The following GFPT2 variants were observed in gnomAD, a reference collection of about 807,000 sequenced individuals.
GFPT2 encodes glutamine--fructose-6-phosphate transaminase 2, also known as glutamine--fructose-6-phosphate aminotransferase [isomerizing] 2.
GFPT2 carries 62 observed loss-of-function variants against 85.6 expected under a neutral mutation model. The observed-to-expected ratio is 0.72, with a 90% CI of 0.59 to 0.90. The LOEUF (loss-of-function observed/expected upper bound fraction) is 0.90. Ranked by LOEUF, GFPT2 falls within the 40% of genes least tolerant of loss-of-function variation. GFPT2 has a pLI of 0.00. For synonymous variants in GFPT2, 368 were observed against 344.5 expected, an observed-to-expected ratio of 1.07 and a Z score of -0.75; for missense variants, 788 against 893.4, an observed-to-expected ratio of 0.88 and a Z score of 1.50.
Position 180,353,308 on chromosome 5 carries a change from G to T in GFPT2, c.-91C>A. 1 of 980,498 alleles carries T rather than the reference G, an allele frequency of 1.0e-6. No individual in the cohort carries two copies. The highest frequency in any genetic ancestry group is 1.3e-6 in the Non-Finnish European group (1 of 757,742). 60.7% of individuals were successfully genotyped at this position (980,498 alleles called of 1,614,324 possible). A position where few individuals can be genotyped will look rare whatever the true frequency, so the allele number is the denominator to read the frequency against. ...CCGTGGGCTCCTCCGTGGGCTCCGTGGGCTCCGTGGGCTCCGCGGGCTCCA... is the reference window on the plus strand; with the variant it reads ...CCGTGGGCTCCTCCGTGGGCTCCGTTGGCTCCGTGGGCTCCGCGGGCTCCA... On this transcript the variant is annotated 5_prime_UTR_variant, in exon 1 of 19. Transcript: ENST00000253778.
chr5:180,346,494 C>A (rs529612606), intron 1 of GFPT2, among the ~76,000 whole-genome samples: 2 of 152,308 alleles, frequency 1.3e-5, no homozygotes, highest in African/African-American at 4.8e-5. Flanking sequence ...TCGGTGACCA[C>A]GGCAAGGCAG....
Position 180,347,331 on chromosome 5 carries a change from C to T in GFPT2, c.7+5880G>A, listed in dbSNP as rs148465955. On this transcript the variant is annotated intron_variant, in intron 1 of 18. Coordinates refer to ENST00000253778, the MANE Select transcript of GFPT2 (RefSeq NM_005110.4). ...AGCCCAGGTGGCTTGGAGAAAGGCC[C>T]GGCCTGGGGGCAGAGGCTGCCCTGG... Among the ~76,000 whole-genome samples, 5 of 152,346 alleles carry T rather than the reference C, an allele frequency of 3.3e-5. No homozygotes were observed. The South Asian group carries it at 6.2e-4, about 19-fold the overall frequency.
rs374426680 is a variant in GFPT2 at position 180,302,523 on chromosome 5, G to A, written c.1904C>T (p.Thr635Ile). The A allele has an allele frequency of 5.6e-6, 9 of 1,613,774 alleles. No homozygotes were observed. The African/African-American group carries it at 1.2e-4, about 22-fold the overall frequency. ...DTESSKFAYK[T>I]IELPHTVDCL... ...GTCCACAGTGTGGGGCAGCTCAATTGTCTTATACGCAAACTTGGAACTTTC... is the reference window on the plus strand; with the variant it reads ...GTCCACAGTGTGGGGCAGCTCAATTATCTTATACGCAAACTTGGAACTTTC... The change falls in exon 18 of 19, where the codon ACA becomes ATA. Residue 635 changes from threonine (T) to isoleucine (I), a missense_variant. Coordinates refer to ENST00000253778, the MANE Select transcript of GFPT2 (RefSeq NM_005110.4).
intron 14 of GFPT2, among the ~76,000 whole-genome samples, chr5:180,313,326 T>C (rs1215602470): frequency 4.0e-5 from 6 of 151,550 alleles, no homozygotes; most frequent in Non-Finnish European, 7.4e-5. Flanking sequence ...GCACGGGGGC[T>C]CACGCCTGTA....
chr5:180,310,623 A>G (rs1211380109), intron 15 of GFPT2, among the ~76,000 whole-genome samples: 1 of 145,236 alleles, frequency 6.9e-6, no homozygotes, highest in Non-Finnish European at 1.5e-5. Context: ...GTTGACCAGG[A>G]TGGTCTCGAA....
chr5:180,322,637 T>TTG (rs1485150704), intron 9 of GFPT2, among the ~76,000 whole-genome samples: 11 of 152,374 alleles, frequency 7.2e-5, no homozygotes, highest in African/African-American at 2.6e-4. Flanking sequence ...CTGCTAGTAC[T>TTG]ATCAGTTCTA....
In GFPT2 at chr5:180,349,135, A is replaced by G. The variant is rs535395564; in HGVS notation, c.7+4076T>C. Among the ~76,000 whole-genome samples the G allele has an allele frequency of 4.6e-5, 7 of 151,390 alleles. No homozygotes were observed. The East Asian group carries it at 1.4e-3, about 29-fold the overall frequency. On this transcript the variant is annotated intron_variant, in intron 1 of 18. Coordinates refer to ENST00000253778, the MANE Select transcript of GFPT2 (RefSeq NM_005110.4). ...GAAGTGATATATATTTAATTAAAAG[A>G]AAAAAAAATCTTAAGAAAAGAAGGG...
intron 15 of GFPT2, among the ~76,000 whole-genome samples, chr5:180,308,978 T>C (rs1763827885): frequency 6.6e-6 from 1 of 152,038 alleles, no homozygotes; most frequent in African/African-American, 2.4e-5. Context: ...CAAGTGATTC[T>C]CCTGCCTCAG....
Position 180,301,535 on chromosome 5 carries a change from G to T in GFPT2, c.*29C>A, listed in dbSNP as rs754459383. The stretch of plus-strand genomic sequence containing the variant: ...GGACAGGTCTGGAATCAGATGAAAG[G>T]TGGTGATGGTCTTGTCACGGTCTCA... On this transcript the variant is annotated 3_prime_UTR_variant, in exon 19 of 19. Coordinates refer to ENST00000253778, the MANE Select transcript of GFPT2 (RefSeq NM_005110.4). 1.9e-6 allele frequency: 3 copies of T among 1,585,082 alleles called. No homozygotes were observed.
Position 180,318,806 on chromosome 5 carries a change from C to G in GFPT2, c.945G>C (p.Gln315His). The change falls in exon 10 of 19, where the codon CAG becomes CAC. Residue 315 changes from glutamine to histidine, a missense_variant. Physicochemically the swap from Gln to His is conservative, Grantham distance 24. Coordinates refer to ENST00000253778, the MANE Select transcript of GFPT2 (RefSeq NM_005110.4). The surrounding 1 kb of genome is among the most constrained non-coding windows in gnomAD (Gnocchi z 4.2). ...RAIQTLQMEL[Q>H]QIMKGNFSAF... Reference sequence around the variant, plus strand: ...GAGGACACCTGCCTTTCATGATTTGCTGCAGTTCCATCTGCAAGGTCTGGA... The same window carrying G: ...GAGGACACCTGCCTTTCATGATTTGGTGCAGTTCCATCTGCAAGGTCTGGA... 6.2e-7 allele frequency: 1 copy of G among 1,613,888 alleles called. No homozygotes were observed. The highest frequency in any genetic ancestry group is 8.5e-7 in the Non-Finnish European group (1 of 1,179,892).
In GFPT2 at chr5:180,328,688, C is replaced by G. The variant is rs1417108746; in HGVS notation, c.535-350G>C. Among the ~76,000 whole-genome samples, 1 of 152,212 alleles carries G rather than the reference C, an allele frequency of 6.6e-6. No homozygotes were observed. Among genetic ancestry groups the G allele is most frequent in the East Asian group, 1.9e-4 (1 of 5,192 alleles). ...GCTTCCCTGCCCTGCTCAGGGACAG[C>G]ACCTACTCAGCAAGCCCCTGTGAAG... is the stretch of plus-strand genomic sequence containing the variant. On this transcript the variant is annotated intron_variant, in intron 6 of 18. Transcript: ENST00000253778. The surrounding 1 kb of genome is among the most constrained non-coding windows in gnomAD (Gnocchi z 5.4).
chr5:180,319,051 T>C, intron 9 of GFPT2, 95 bp from the exon 10 acceptor site: 4 of 1,200,050 alleles, frequency 3.3e-6, no homozygotes, highest in Non-Finnish European at 3.6e-6. Context: ...GGCCACATCG[T>C]TGGCATTTTA....
At chr5:180,342,413 T>TG (rs991303697) in intron 1 of GFPT2, among the ~76,000 whole-genome samples, 4 of 147,952 alleles carry the variant, frequency 2.7e-5, no homozygotes, top group Non-Finnish European at 3.0e-5. Flanking sequence ...AAATGTTTTT[T>TG]TTTTTTTTTT....
At chr5:180,306,129 C>T (rs1046990187) in intron 16 of GFPT2, among the ~76,000 whole-genome samples, 29 of 152,052 alleles carry the variant, frequency 1.9e-4, no homozygotes, top group Admixed American at 1.7e-3. Flanking sequence ...GGATTACAGG[C>T]GTGCACCACC....
At chr5:180,347,691 C>G (rs1043882129) in intron 1 of GFPT2, among the ~76,000 whole-genome samples, 4 of 152,148 alleles carry the variant, frequency 2.6e-5, no homozygotes, top group African/African-American at 9.7e-5. Context: ...GTTCAACCCC[C>G]AAGTGACAGA....
In GFPT2 at chr5:180,312,494, A is replaced by G. The variant is rs769132046; in HGVS notation, c.1482T>C (p.Ser494=). ...TGTTTTGTAGTGAAATTCGGTCTTC[A>G]GACATCATCAAACCAAACATCACCA... is the stretch of plus-strand genomic sequence containing the variant. ...ISLVMFGLMM[S]EDRISLQNRR... is the part of the protein sequence containing the mutation. Residue 494 remains serine (S), a synonymous_variant, in exon 15 of 19, where the codon TCT becomes TCC. Transcript: ENST00000253778. 6.2e-7 allele frequency: 1 copy of G among 1,611,998 alleles called. No individual in the cohort carries two copies. The highest frequency in any genetic ancestry group is 2.2e-5 in the East Asian group (1 of 44,878).
Position 180,353,311 on chromosome 5 carries a change from CTCCGTG to C in GFPT2, c.-100_-95del. Reference sequence around the variant, plus strand: ...TGGGCTCCTCCGTGGGCTCCGTGGGCTCCGTGGGCTCCGCGGGCTCCAGCTCCCGTC... The same window carrying C: ...TGGGCTCCTCCGTGGGCTCCGTGGGCGGCTCCGCGGGCTCCAGCTCCCGTC... On this transcript the variant is annotated 5_prime_UTR_variant, in exon 1 of 19. Coordinates refer to ENST00000253778, the MANE Select transcript of GFPT2 (RefSeq NM_005110.4). The C allele has an allele frequency of 1.0e-6, 1 of 970,234 alleles. No homozygotes were observed. Among genetic ancestry groups the C allele is most frequent in the Non-Finnish European group, 1.3e-6 (1 of 748,666 alleles). 60.1% of individuals were successfully genotyped at this position (970,234 alleles called of 1,614,324 possible). A position where few individuals can be genotyped will look rare whatever the true frequency, so the allele number is the denominator to read the frequency against.
At chr5:180,313,589 C>CA (rs537260754) in intron 14 of GFPT2, among the ~76,000 whole-genome samples, 1,534 of 139,148 alleles carry the variant, frequency 0.011, 20 homozygotes, top group African/African-American at 0.038. Context: ...GACTCCGTCT[C>CA]AAAAAAAATA....
Position 180,306,928 on chromosome 5 carries a change from G to A in GFPT2, c.1674+248C>T, listed in dbSNP as rs117859739. Among the ~76,000 whole-genome samples the A allele has an allele frequency of 4.6e-3, 695 of 152,304 alleles. 13 individuals carry two copies. In the South Asian group the frequency reaches 0.057, roughly 12 times the overall value. ...ACAGCCGGAGGGGCACACCCCAGGCGCCCTGTCCCTTTCTCCTCAGTAGAT... is the reference window on the plus strand; with the variant it reads ...ACAGCCGGAGGGGCACACCCCAGGCACCCTGTCCCTTTCTCCTCAGTAGAT... On this transcript the variant is annotated intron_variant, in intron 16 of 18. Transcript: ENST00000253778.
Sources: allele counts gnomAD v4.1 joint callset (sites outside exome capture counted in the v4.1 genomes callset), GRCh38; gene constraint gnomAD v4.1.1; non-coding constraint Gnocchi (gnomAD v3.1); transcripts MANE v1.5; gene names NCBI Gene and HGNC (gene_info 2026-07-23, HGNC 2026-07-21).